SETD1B: variants seen among roughly 807,000 people sequenced by gnomAD.
The protein encoded by SETD1B is SET domain containing 1B, histone lysine methyltransferase.
A neutral mutation model predicts 148.0 loss-of-function variants in SETD1B; 7 were observed. The ratio of observed to expected loss-of-function variants is 0.05; its 90% CI spans 0.03 to 0.09. The LOEUF (loss-of-function observed/expected upper bound fraction) is 0.09, where lower values mean the gene tolerates loss of function less well. SETD1B is among the 10% of genes least tolerant of loss of function. SETD1B has a pLI of 1.00. For missense variants in SETD1B, 2,155 were observed against 2,729.9 expected, an observed-to-expected ratio of 0.79 and a Z score of 4.69; for synonymous variants, 1,361 against 1,186.5, an observed-to-expected ratio of 1.15 and a Z score of -3.02.
chr12:121,820,066 G>A (rs1876497112), intron 11 of SETD1B, among the ~76,000 whole-genome samples, 171 bp downstream of exon 11: 1 of 152,206 alleles, frequency 6.6e-6, no homozygotes, highest in Non-Finnish European at 1.5e-5. Context: ...GGTGTTGGGT[G>A]CCAGCACTGA....
chr12:121,811,854 C>A (rs943196350), intron 6 of SETD1B, among the ~76,000 whole-genome samples: 8 of 152,124 alleles, frequency 5.3e-5, no homozygotes, highest in African/African-American at 1.9e-4. Context: ...CCAAGCAGTT[C>A]TGGGGAAGTG....
the SETD1B span, chr12:121,793,435 G>T: frequency 3.3e-6 from 5 of 1,527,564 alleles, no homozygotes; most frequent in Non-Finnish European, 4.4e-6. Flanking sequence ...GAGGGTCGGG[G>T]CTCTGGGCTC....
chr12:121,794,721 C>T, the SETD1B span, among the ~76,000 whole-genome samples: 6 of 152,126 alleles, frequency 3.9e-5, no homozygotes, highest in Non-Finnish European at 7.4e-5. Flanking sequence ...TTACTCCTCA[C>T]CCTGGGCGGG....
chr12:121,818,901 A>G (rs1443256431), intron 10 of SETD1B, among the ~76,000 whole-genome samples: 8 of 151,486 alleles, frequency 5.3e-5, no homozygotes, highest in Non-Finnish European at 7.4e-5. Flanking sequence ...AAAAAAAAAA[A>G]AAAAAGTGAG....
rs1451774880 is a variant in SETD1B at position 121,804,660 on chromosome 12, G to A, written c.-14-64G>A. On this transcript the variant is annotated intron_variant, in intron 1 of 16. Coordinates refer to ENST00000604567, the MANE Select transcript of SETD1B (RefSeq NM_001353345.2). The surrounding 1 kb of genome is among the most constrained non-coding windows in gnomAD (Gnocchi z 4.6). The stretch of plus-strand genomic sequence containing the variant: ...GGGCCTGCCGATTGGATTCTTTCGC[G>A]TGTGTGTAGAAGCGGCCGCCGCCGC... 4.6e-5 allele frequency: 65 copies of A among 1,408,712 alleles called. No individual in the cohort carries two copies. Among genetic ancestry groups the A allele is most frequent in the Non-Finnish European group, 4.7e-5 (49 of 1,037,868 alleles). 87.3% of individuals were successfully genotyped at this position (1,408,712 alleles called of 1,614,324 possible). A position where few individuals can be genotyped will look rare whatever the true frequency, so the allele number is the denominator to read the frequency against.
At chr12:121,797,301 G>T in the SETD1B span, 4 of 384,864 alleles carry the variant, frequency 1.0e-5, no homozygotes, top group African/African-American at 2.1e-5. Context: ...CCTCCTGGCC[G>T]GCCCTTCCGC....
the SETD1B span, among the ~76,000 whole-genome samples, chr12:121,794,764 A>G: frequency 1.7e-5 from 2 of 114,708 alleles, no homozygotes; most frequent in Non-Finnish European, 3.8e-5. Flanking sequence ...AGATGAGTCG[A>G]CAGGGTGGCA....
chr12:121,815,660 C>T (rs1186808093), intron 7 of SETD1B, among the ~76,000 whole-genome samples: 1 of 152,072 alleles, frequency 6.6e-6, no homozygotes, highest in Non-Finnish European at 1.5e-5. Flanking sequence ...CAGGCATGTA[C>T]CACCACACCC....
At chr12:121,796,372 G>A in the SETD1B span, 2 of 152,834 alleles carry the variant, frequency 1.3e-5, no homozygotes, top group Non-Finnish European at 1.5e-5. Context: ...CCACACAGGG[G>A]CCTATGCCAT....
In SETD1B at chr12:121,814,372, C is replaced by A. The variant is rs1416939954; in HGVS notation, c.2157C>A (p.Ala719=). ...CACCGCCGCCCCCACCCCCTCCAGC[C>A]CACCCTGCTGTGACAGTGCCCCCAC... ...LPPPPPPPPP[A]HPAVTVPPPP... Residue 719 remains alanine, a synonymous_variant, in exon 7 of 17, where the codon GCC becomes GCA. Coordinates refer to ENST00000604567, the MANE Select transcript of SETD1B (RefSeq NM_001353345.2). 1.9e-6 allele frequency: 2 copies of A among 1,064,210 alleles called. No individual in the cohort carries two copies. The highest frequency in any genetic ancestry group is 1.9e-5 in the African/African-American group (1 of 52,886). The allele number at this position is 1,064,210 out of a possible 1,614,324, so 65.9% of individuals were successfully genotyped here.
intron 13 of SETD1B, 109 bp downstream of exon 13, chr12:121,825,475 G>A: frequency 9.5e-7 from 1 of 1,055,494 alleles, no homozygotes; most frequent in South Asian, 1.6e-5. Flanking sequence ...AGGCCAGAGG[G>A]GCTGGCACAC....
At chr12:121,813,736 C>T (rs1427598788) in intron 6 of SETD1B, among the ~76,000 whole-genome samples, 2 of 152,206 alleles carry the variant, frequency 1.3e-5, no homozygotes, top group East Asian at 1.9e-4. Flanking sequence ...TTCTTTCTCT[C>T]CCTCACGTTT....
At chr12:121,797,744 C>G in the SETD1B span, 2 of 372,544 alleles carry the variant, frequency 5.4e-6, no homozygotes, top group Admixed American at 3.3e-5. Context: ...GCGCCACACC[C>G]TCGGGCGGCA....
Position 121,823,337 on chromosome 12 carries a change from T to TGC in SETD1B, c.4758_4759insGC (p.Pro1587AlafsTer14). 17 of 809,356 alleles carry TGC rather than the reference T, an allele frequency of 2.1e-5. No homozygotes were observed. Among genetic ancestry groups the TGC allele is most frequent in the Non-Finnish European group, 2.7e-5 (15 of 560,444 alleles). The allele number at this position is 809,356 out of a possible 1,614,324, so 50.1% of individuals were successfully genotyped here. A position where few individuals can be genotyped will look rare whatever the true frequency, so the allele number is the denominator to read the frequency against. ...GGATCCCAGCCCCTCCACCACCCCT[T>TGC]CCCCCCCAGCCACCCCCACCCCCAC... On this transcript the variant is annotated frameshift_variant, in exon 12 of 17. Coordinates refer to ENST00000604567, the MANE Select transcript of SETD1B (RefSeq NM_001353345.2). LOFTEE classifies it high-confidence loss of function.
Position 121,810,541 on chromosome 12 carries a change from C to G in SETD1B, c.1596C>G (p.Pro532=). The G allele has an allele frequency of 6.5e-7, 1 of 1,546,808 alleles. No homozygotes were observed. The highest frequency in any genetic ancestry group is 8.7e-7 in the Non-Finnish European group (1 of 1,147,000). ...SDTELQMEGS[P]ISSSSSQLSP... ...CCGAGCTGCAGATGGAGGGCAGCCC[C>G]ATCTCCTCCTCCTCCTCCCAGCTCT... Residue 532 remains proline (P), a synonymous_variant, in exon 6 of 17, where the codon CCC becomes CCG. Coordinates refer to ENST00000604567, the MANE Select transcript of SETD1B (RefSeq NM_001353345.2). The surrounding 1 kb of genome is among the most constrained non-coding windows in gnomAD (Gnocchi z 7.6).
intron 6 of SETD1B, among the ~76,000 whole-genome samples, chr12:121,812,105 G>A (rs930486056): frequency 1.3e-5 from 2 of 152,218 alleles, no homozygotes; most frequent in South Asian, 4.1e-4. Flanking sequence ...CCAGCGCAGG[G>A]AGTCGCCGAG....
At chr12:121,793,620 C>T in the SETD1B span, 2 of 1,543,686 alleles carry the variant, frequency 1.3e-6, no homozygotes, top group African/African-American at 2.7e-5. Context: ...GGCCAGGGCC[C>T]CGGGGGCATC....
Position 121,805,708 on chromosome 12 carries a change from T to G in SETD1B, c.274-127T>G. The G allele has an allele frequency of 2.3e-6, 2 of 866,998 alleles. No individual in the cohort carries two copies. Among genetic ancestry groups the G allele is most frequent in the Non-Finnish European group, 3.2e-6 (2 of 629,614 alleles). 53.7% of individuals were successfully genotyped at this position (866,998 alleles called of 1,614,324 possible). A position where few individuals can be genotyped will look rare whatever the true frequency, so the allele number is the denominator to read the frequency against. On this transcript the variant is annotated intron_variant, in intron 3 of 16. Transcript: ENST00000604567. The surrounding 1 kb of genome is among the most constrained non-coding windows in gnomAD (Gnocchi z 4.2). ...AAAAAAATTTTTTTTTTTTTTTTAA[T>G]TTTTAGTTTTTTTACCCTTTATTGT...
the SETD1B span, among the ~76,000 whole-genome samples, chr12:121,794,840 C>A: frequency 6.6e-6 from 1 of 152,148 alleles, no homozygotes; most frequent in East Asian, 1.9e-4. Flanking sequence ...GAGTGGGATC[C>A]TACCAGCTGG....
Sources: allele counts gnomAD v4.1 joint callset (sites outside exome capture counted in the v4.1 genomes callset), GRCh38; gene constraint gnomAD v4.1.1; non-coding constraint Gnocchi (gnomAD v3.1); transcripts MANE v1.5; gene names NCBI Gene and HGNC (gene_info 2026-07-23, HGNC 2026-07-21).